Variants in FAF1 observed in about 807,000 individuals in gnomAD.
FAF1 encodes the protein FAS-associated factor 1.
FAF1 carries 25 observed loss-of-function variants against 92.5 expected under a neutral mutation model. The ratio of observed to expected loss-of-function variants is 0.27; its 90% CI spans 0.20 to 0.38. The LOEUF (loss-of-function observed/expected upper bound fraction) is 0.38. FAF1 is among the 10% of genes least tolerant of loss of function. The probability of loss-of-function intolerance (pLI) is 1.00; values close to 1 mark genes in which losing one functional copy is unlikely to be tolerated. For missense variants in FAF1, 636 were observed against 793.3 expected (o/e 0.80, Z 2.38); for synonymous variants, 234 against 273.2 (o/e 0.86, Z 1.42).
At position 50,595,123 on chromosome 1, in the gene FAF1, C is replaced by T. The variant is rs372335702; in HGVS notation, c.840+998G>A. Among the ~76,000 whole-genome samples, 5 of 151,892 alleles carry T rather than the reference C, an allele frequency of 3.3e-5. No homozygotes were observed. In the East Asian group the frequency reaches 7.9e-4, roughly 24 times the overall value. On this transcript the variant is annotated intron_variant, in intron 9 of 18. Transcript: ENST00000396153. ...AGGCTGGAGTGCAATGGCACAATCT[C>T]GGCTCACTACAACCTCCACCTCTTG...
In FAF1 at chr1:50,678,439, T is replaced by C. The variant is rs550845060; in HGVS notation, c.658-22911A>G. On this transcript the variant is annotated intron_variant, in intron 7 of 18. Coordinates refer to ENST00000396153, the MANE Select transcript of FAF1 (RefSeq NM_007051.3). ...TTTGTAATTTACACATTTGGCCAGA[T>C]TTTCTTCTCCAGATCTTTCTTCTGT... 2.6e-5 allele frequency among the ~76,000 whole-genome samples: 4 copies of C among 152,240 alleles called. No homozygotes were observed. The South Asian group carries it at 8.3e-4, about 32-fold the overall frequency.
chr1:50,691,839 T>A (rs983979575), intron 7 of FAF1, among the ~76,000 whole-genome samples: 4 of 152,224 alleles, frequency 2.6e-5, no homozygotes, highest in Non-Finnish European at 2.9e-5. Flanking sequence ...TTGTTTTAAT[T>A]GACAAATAAT....
chr1:50,824,092 T>C (rs2124623731), intron 2 of FAF1, among the ~76,000 whole-genome samples: 1 of 152,322 alleles, frequency 6.6e-6, no homozygotes, highest in East Asian at 1.9e-4. Context: ...GTAAATAATG[T>C]CATTTCATAA....
chr1:50,843,598 C>G (rs1644274362), intron 2 of FAF1, among the ~76,000 whole-genome samples: 1 of 151,972 alleles, frequency 6.6e-6, no homozygotes, highest in South Asian at 2.1e-4. Flanking sequence ...TGAGATCAAC[C>G]TTTTTAAGCT....
chr1:50,906,625 T>G (rs2124715742), intron 1 of FAF1, among the ~76,000 whole-genome samples: 1 of 152,352 alleles, frequency 6.6e-6, no homozygotes, highest in Middle Eastern at 3.4e-3. Flanking sequence ...CTAGGTATTT[T>G]GTTCTCTTTG....
intron 1 of FAF1, among the ~76,000 whole-genome samples, chr1:50,910,011 T>A (rs1229093683): frequency 6.6e-6 from 1 of 152,186 alleles, no homozygotes; most frequent in East Asian, 1.9e-4. Flanking sequence ...CATCTTTGTG[T>A]TTTTATCTAC....
At chr1:50,799,541 T>C (rs958145978) in intron 3 of FAF1, among the ~76,000 whole-genome samples, 1 of 152,148 alleles carries the variant, frequency 6.6e-6, no homozygotes, top group Non-Finnish European at 1.5e-5. Flanking sequence ...TTGCAGATAA[T>C]TAGTACAGTT....
chr1:50,627,192 G>A (rs2124195621), intron 8 of FAF1, among the ~76,000 whole-genome samples: 1 of 152,268 alleles, frequency 6.6e-6, no homozygotes, highest in South Asian at 2.1e-4. Flanking sequence ...AATTTAAATT[G>A]TAGATATGAT....
intron 8 of FAF1, among the ~76,000 whole-genome samples, chr1:50,635,134 T>C (rs952443364): frequency 2.0e-5 from 3 of 152,154 alleles, no homozygotes; most frequent in Non-Finnish European, 2.9e-5. Context: ...GACACATTAA[T>C]AATATGGCTA....
At chr1:50,619,909 C>CTTTT (rs869279028) in intron 8 of FAF1, among the ~76,000 whole-genome samples, 4 of 140,274 alleles carry the variant, frequency 2.9e-5, no homozygotes, top group South Asian at 2.3e-4. Flanking sequence ...CTCTCTCTCT[C>CTTTT]TTTTTTTTTT....
chr1:50,554,913 C>T (rs1348483384), intron 13 of FAF1, among the ~76,000 whole-genome samples: 1 of 152,120 alleles, frequency 6.6e-6, no homozygotes, highest in African/African-American at 2.4e-5. Context: ...CTGAGCCTTA[C>T]TTCTCAATTG....
chr1:50,516,219 T>C (rs1647218188), intron 15 of FAF1, among the ~76,000 whole-genome samples: 1 of 152,208 alleles, frequency 6.6e-6, no homozygotes, highest in Non-Finnish European at 1.5e-5. Flanking sequence ...TCATGAGTCA[T>C]GGACTCTTCC....
chr1:50,922,474 A>AAG (rs1553151982), intron 1 of FAF1, among the ~76,000 whole-genome samples: 4 of 147,202 alleles, frequency 2.7e-5, no homozygotes, highest in African/African-American at 1.0e-4. Context: ...AAAAAAAAAA[A>AAG]AAAAAAAAGA....
chr1:50,896,084 T>C (rs1229812075), intron 1 of FAF1, among the ~76,000 whole-genome samples: 1 of 152,156 alleles, frequency 6.6e-6, no homozygotes, highest in Admixed American at 6.5e-5. Context: ...GGTATCCAAA[T>C]TGGAAAGGAA....
chr1:50,783,438 C>T (rs890494105), intron 4 of FAF1, among the ~76,000 whole-genome samples: 1 of 152,142 alleles, frequency 6.6e-6, no homozygotes, highest in African/African-American at 2.4e-5. Context: ...CTGATAAATA[C>T]AGATGCAAAG....
intron 15 of FAF1, among the ~76,000 whole-genome samples, chr1:50,522,807 G>T (rs1177919512): frequency 6.6e-6 from 1 of 152,096 alleles, no homozygotes; most frequent in Non-Finnish European, 1.5e-5. Flanking sequence ...ATACAATTTA[G>T]TGGCATTAAG....
intron 13 of FAF1, among the ~76,000 whole-genome samples, chr1:50,564,375 A>C (rs542528890): frequency 1.6e-4 from 25 of 152,238 alleles, no homozygotes; most frequent in South Asian, 6.2e-4. Flanking sequence ...ACTTACATCT[A>C]TCATAAAGAA....
chr1:50,502,384 C>G (rs991023241), intron 15 of FAF1, among the ~76,000 whole-genome samples: 15 of 152,302 alleles, frequency 9.8e-5, no homozygotes, highest in Middle Eastern at 3.4e-3. Context: ...ACTGAAACTA[C>G]CCATTCATAG....
chr1:50,955,170 C>T (rs1362746246), intron 1 of FAF1, among the ~76,000 whole-genome samples: 1 of 152,174 alleles, frequency 6.6e-6, no homozygotes, highest in Non-Finnish European at 1.5e-5. Context: ...ATGTTCTCTA[C>T]TTCAGCCTAA....
Sources: allele counts gnomAD v4.1 joint callset (sites outside exome capture counted in the v4.1 genomes callset), GRCh38; gene constraint gnomAD v4.1.1; transcripts MANE v1.5; gene names NCBI Gene and HGNC (gene_info 2026-07-23, HGNC 2026-07-21).